STAMBP: variants seen among roughly 807,000 people sequenced by gnomAD.
The protein encoded by STAMBP is STAM binding protein, also known as STAM-binding protein.
A neutral mutation model predicts 50.7 loss-of-function variants in STAMBP; 31 were observed. That is an observed-to-expected ratio of 0.61 (90% confidence interval 0.46 to 0.83). The LOEUF is 0.83. Ranked by LOEUF, STAMBP falls within the 40% of genes least tolerant of loss-of-function variation. STAMBP has a pLI of 0.00. For synonymous variants in STAMBP, 211 were observed against 192.4 expected (o/e 1.10, Z -0.80); for missense variants, 472 against 518.9 (o/e 0.91, Z 0.88).
chr2:73,853,024 C>T (rs756374194), intron 7 of STAMBP, among the ~76,000 whole-genome samples: 3 of 151,458 alleles, frequency 2.0e-5, no homozygotes, highest in Non-Finnish European at 4.4e-5. Flanking sequence ...TTGTGATCCT[C>T]GTGATTATAG....
At chr2:73,857,691 C>T (rs762184473) in intron 7 of STAMBP, among the ~76,000 whole-genome samples, 93 of 152,132 alleles carry the variant, frequency 6.1e-4, no homozygotes, top group Non-Finnish European at 1.0e-3. Flanking sequence ...AAAAGATCAC[C>T]TTATCATTCA....
intron 9 of STAMBP, among the ~76,000 whole-genome samples, chr2:73,861,578 G>A (rs985615557): frequency 6.6e-6 from 1 of 151,934 alleles, no homozygotes; most frequent in Admixed American, 6.6e-5. Flanking sequence ...GAGTGCAGTG[G>A]TATGATCTCA....
chr2:73,869,553 T>G (rs1679115214), downstream of STAMBP, among the ~76,000 whole-genome samples: 1 of 152,160 alleles, frequency 6.6e-6, no homozygotes, highest in South Asian at 2.1e-4. Flanking sequence ...GAAATAACAT[T>G]TAAAAATTGA....
chr2:73,860,009 G>C lies in STAMBP; in HGVS notation c.1119-43G>C, dbSNP rs774184476. The C allele has an allele frequency of 2.1e-6, 3 of 1,457,938 alleles. No homozygotes were observed. The Admixed American group carries it at 5.1e-5, about 25-fold the overall frequency. The allele number at this position is 1,457,938 out of a possible 1,614,324, so 90.3% of individuals were successfully genotyped here. ...TGCGTGCATATGTTTGGGATGGAGG[G>C]ACACCTTTGCTTGACTCTTAGCCTG... On this transcript the variant is annotated intron_variant, in intron 8 of 9. Coordinates refer to ENST00000394070, the MANE Select transcript of STAMBP (RefSeq NM_213622.4).
intron 8 of STAMBP, among the ~76,000 whole-genome samples, chr2:73,859,801 T>C (rs982016487): frequency 3.3e-5 from 5 of 152,112 alleles, no homozygotes; most frequent in African/African-American, 1.2e-4. Context: ...CCAAATCCTG[T>C]CTCTACTCCC....
chr2:73,859,955 C>A, intron 8 of STAMBP, 97 bp from the exon 9 acceptor site: 2 of 807,916 alleles, frequency 2.5e-6, no homozygotes, highest in Non-Finnish European at 4.2e-6. Flanking sequence ...CTCTGCCCTG[C>A]TGTGTGAGTG....
At chr2:73,835,613 A>C (rs1674619753) in intron 2 of STAMBP, among the ~76,000 whole-genome samples, 1 of 152,112 alleles carries the variant, frequency 6.6e-6, no homozygotes, top group Non-Finnish European at 1.5e-5. Context: ...ATGGAAAGAG[A>C]CAGATGGATT....
At chr2:73,834,437 GTT>G (rs2104241324) in intron 2 of STAMBP, among the ~76,000 whole-genome samples, 1 of 151,240 alleles carries the variant, frequency 6.6e-6, no homozygotes, top group South Asian at 2.1e-4. Flanking sequence ...AATAGAGAAT[GTT>G]ATTAAGAAAA....
At chr2:73,868,051 G>T (rs755944289), downstream of STAMBP, among the ~76,000 whole-genome samples, 4 of 151,476 alleles carry the variant, frequency 2.6e-5, no homozygotes, top group African/African-American at 7.3e-5. Context: ...TTGAGCTCAG[G>T]AGGCGGAGGT....
At chr2:73,849,516 C>T in intron 6 of STAMBP, 29 bp downstream of exon 6, 1 of 1,565,044 alleles carries the variant, frequency 6.4e-7, no homozygotes. Context: ...CCAAACTCTT[C>T]TCTGAACCGA....
chr2:73,855,184 CAT>C (rs748770312), intron 7 of STAMBP, among the ~76,000 whole-genome samples: 1 of 152,202 alleles, frequency 6.6e-6, no homozygotes, highest in African/African-American at 2.4e-5. Context: ...AGGCACTCCT[CAT>C]CATGTTTCAG....
At chr2:73,853,451 C>T (rs2104592316) in intron 7 of STAMBP, among the ~76,000 whole-genome samples, 1 of 152,272 alleles carries the variant, frequency 6.6e-6, no homozygotes, top group South Asian at 2.1e-4. Flanking sequence ...AGGCCGGGTG[C>T]GGTGGCTCAA....
chr2:73,858,547 A>C (rs890923584), intron 7 of STAMBP, among the ~76,000 whole-genome samples: 9 of 152,164 alleles, frequency 5.9e-5, no homozygotes, highest in African/African-American at 2.2e-4. Flanking sequence ...TAGCATATGC[A>C]TTATGTCACA....
At position 73,852,917 on chromosome 2, in the gene STAMBP, G is replaced by GGTGTGTGTGTGTGTGT. The variant is rs56684009; in HGVS notation, c.1005+2427_1005+2442dup. On this transcript the variant is annotated intron_variant, in intron 7 of 9. Coordinates refer to ENST00000394070, the MANE Select transcript of STAMBP (RefSeq NM_213622.4). ...AGACTGGGTTTCACTATGTTGGCCA[G>GGTGTGTGTGTGTGTGT]GTGTGTGTGTGTGTGTGTGTGTGTG... 6.3e-4 allele frequency among the ~76,000 whole-genome samples: 78 copies of GGTGTGTGTGTGTGTGT among 122,860 alleles called. 1 individual carries two copies. Among genetic ancestry groups the GGTGTGTGTGTGTGTGT allele is most frequent in the African/African-American group, 2.1e-3 (70 of 33,420 alleles). The allele number at this position is 122,860 out of a possible 152,430, so 80.6% of individuals were successfully genotyped here.
At chr2:73,848,775 GAC>G (rs749342682) in intron 5 of STAMBP, among the ~76,000 whole-genome samples, 4 of 152,184 alleles carry the variant, frequency 2.6e-5, no homozygotes, top group Admixed American at 6.5e-5. Flanking sequence ...AACTTTGGGA[GAC>G]ACAGTCAAAC....
chr2:73,844,604 C>T (rs1224156844), intron 2 of STAMBP: 3 of 362,884 alleles, frequency 8.3e-6, no homozygotes, highest in Non-Finnish European at 9.9e-6. Context: ...TGCTTGCTGC[C>T]TAGTTTGGGA....
In STAMBP at chr2:73,853,687, A is replaced by G. The variant is rs1218069177; in HGVS notation, c.1005+3174A>G. On this transcript the variant is annotated intron_variant, in intron 7 of 9. Transcript: ENST00000394070. The stretch of plus-strand genomic sequence containing the variant: ...TGGTGAGCCAAGATTACGCCACTGC[A>G]CTCCAGCCTGGGCAACAGAGCGAGA... 2.0e-5 allele frequency among the ~76,000 whole-genome samples: 3 copies of G among 152,178 alleles called. No homozygotes were observed. In the East Asian group the frequency reaches 5.8e-4, roughly 29 times the overall value.
At chr2:73,861,656 C>T (rs1280055768) in intron 9 of STAMBP, among the ~76,000 whole-genome samples, 2 of 150,556 alleles carry the variant, frequency 1.3e-5, no homozygotes, top group East Asian at 3.9e-4. Flanking sequence ...GTAGCTGGGA[C>T]TACAGGTGCG....
At position 73,865,424 on chromosome 2, in the gene STAMBP, G is replaced by T. The variant is rs1333717979; in HGVS notation, c.*3165G>T. 1.3e-5 allele frequency: 2 copies of T among 152,178 alleles called. No homozygotes were observed. The highest frequency in any genetic ancestry group is 4.8e-5 in the African/African-American group (2 of 41,432). The allele number at this position is 152,178 out of a possible 1,614,324, so 9.4% of individuals were successfully genotyped here. On this transcript the variant is annotated 3_prime_UTR_variant, in exon 10 of 10. Coordinates refer to ENST00000394070, the MANE Select transcript of STAMBP (RefSeq NM_213622.4). ...GTCCAAGGATCTTTCAAACATGTGA[G>T]CCCAGAGTAGAACTTCTGAGTCAAG...
Sources: allele counts gnomAD v4.1 joint callset (sites outside exome capture counted in the v4.1 genomes callset), GRCh38; gene constraint gnomAD v4.1.1; transcripts MANE v1.5; gene names NCBI Gene and HGNC (gene_info 2026-07-23, HGNC 2026-07-21).